DLG2: variants seen among roughly 807,000 people sequenced by gnomAD.
DLG2 encodes the protein disks large homolog 2.
In DLG2, 45 loss-of-function variants were observed where a neutral mutation model predicts 132.5. The ratio of observed to expected loss-of-function variants is 0.34; its 90% CI spans 0.27 to 0.44. DLG2 has a LOEUF of 0.44. Among genes scored for constraint, DLG2 ranks in the 20% least tolerant of loss-of-function variants. The pLI, the probability that DLG2 is intolerant of heterozygous loss-of-function variation, is 1.00. For synonymous variants in DLG2, 424 were observed against 419.6 expected, an observed-to-expected ratio of 1.01 and a Z score of -0.13; for missense variants, 1,045 against 1,196.9, an observed-to-expected ratio of 0.87 and a Z score of 1.87.
At chr11:83,901,101 T>C (rs1429185540) in intron 15 of DLG2, among the ~76,000 whole-genome samples, 1 of 152,164 alleles carries the variant, frequency 6.6e-6, no homozygotes. Context: ...TTTTGGCCAA[T>C]GTCTCTCATT....
At chr11:84,429,502 C>A (rs2098977527) in intron 7 of DLG2, among the ~76,000 whole-genome samples, 1 of 152,086 alleles carries the variant, frequency 6.6e-6, no homozygotes, top group Admixed American at 6.6e-5. Context: ...ATCATCCAAC[C>A]AGGGTTCATT....
intron 7 of DLG2, among the ~76,000 whole-genome samples, chr11:84,503,519 A>G (rs2099228509): frequency 6.6e-6 from 1 of 152,192 alleles, no homozygotes; most frequent in African/African-American, 2.4e-5. Flanking sequence ...CATGTTTCTT[A>G]GGACCAAGCT....
intron 6 of DLG2, among the ~76,000 whole-genome samples, chr11:84,814,977 G>A (rs565327030): frequency 6.6e-5 from 10 of 152,190 alleles, no homozygotes; most frequent in Non-Finnish European, 5.9e-5. Context: ...ATGTAGAGAA[G>A]GGGAGTATAT....
chr11:84,640,940 A>C (rs1258277493), intron 6 of DLG2, among the ~76,000 whole-genome samples: 1 of 143,700 alleles, frequency 7.0e-6, no homozygotes, highest in Non-Finnish European at 1.5e-5. Flanking sequence ...ACTCTGTCTC[A>C]AAACAAACAA....
intron 4 of DLG2, among the ~76,000 whole-genome samples, chr11:85,248,858 T>A (rs543356967): frequency 1.3e-5 from 2 of 152,148 alleles, no homozygotes; most frequent in East Asian, 3.9e-4. Flanking sequence ...GTAACCAAAG[T>A]CAAGGAGTGA....
chr11:85,483,456 T>G (rs1382537764), intron 3 of DLG2, among the ~76,000 whole-genome samples: 2 of 152,200 alleles, frequency 1.3e-5, no homozygotes, highest in Non-Finnish European at 2.9e-5. Flanking sequence ...CCAACAGCCC[T>G]ATCTTACAAG....
At chr11:85,262,684 C>T (rs1387494293) in intron 4 of DLG2, among the ~76,000 whole-genome samples, 1 of 152,184 alleles carries the variant, frequency 6.6e-6, no homozygotes, top group African/African-American at 2.4e-5. Flanking sequence ...CACACTTACA[C>T]ATAGACATAT....
At chr11:84,243,295 A>C (rs957963986) in intron 8 of DLG2, among the ~76,000 whole-genome samples, 2 of 152,144 alleles carry the variant, frequency 1.3e-5, no homozygotes, top group African/African-American at 4.8e-5. Context: ...ATTTTAATTA[A>C]ATTTAAATAA....
At chr11:85,158,244 G>A (rs906272115) in intron 4 of DLG2, among the ~76,000 whole-genome samples, 1 of 152,130 alleles carries the variant, frequency 6.6e-6, no homozygotes, top group Non-Finnish European at 1.5e-5. Context: ...CATAGAACTG[G>A]ATCAGGCTGA....
chr11:84,873,706 T>C (rs1054559679), intron 6 of DLG2, among the ~76,000 whole-genome samples: 4 of 152,250 alleles, frequency 2.6e-5, no homozygotes, highest in East Asian at 1.9e-4. Flanking sequence ...TCCCTGCTCT[T>C]TTCCTTAAAA....
intron 7 of DLG2, among the ~76,000 whole-genome samples, chr11:84,534,170 A>G (rs2099349960): frequency 6.6e-6 from 1 of 152,220 alleles, no homozygotes; most frequent in Non-Finnish European, 1.5e-5. Context: ...TATAGTTTAG[A>G]CAGTAAAGCA....
At chr11:84,930,779 T>C (rs1237911054) in intron 6 of DLG2, among the ~76,000 whole-genome samples, 1 of 152,162 alleles carries the variant, frequency 6.6e-6, no homozygotes, top group African/African-American at 2.4e-5. Flanking sequence ...TTTATATTCA[T>C]GTGCAAGACT....
intron 7 of DLG2, among the ~76,000 whole-genome samples, chr11:84,440,441 T>C (rs1362548777): frequency 2.0e-5 from 3 of 152,130 alleles, no homozygotes; most frequent in Non-Finnish European, 4.4e-5. Context: ...ATGGATATAA[T>C]GTCAACTGAA....
chr11:85,144,076 A>G (rs1236062260), intron 5 of DLG2, among the ~76,000 whole-genome samples: 1 of 151,814 alleles, frequency 6.6e-6, no homozygotes, highest in African/African-American at 2.4e-5. Flanking sequence ...CTTTAGCCTT[A>G]ATAATATTTG....
chr11:84,101,314 G>A (rs1239879313), intron 9 of DLG2, among the ~76,000 whole-genome samples: 1 of 152,010 alleles, frequency 6.6e-6, no homozygotes, highest in Non-Finnish European at 1.5e-5. Flanking sequence ...CAATAAAGTT[G>A]GAACAAAGAA....
intron 6 of DLG2, among the ~76,000 whole-genome samples, chr11:84,721,503 G>GT (rs1207141391): frequency 2.0e-5 from 3 of 148,686 alleles, no homozygotes; most frequent in Admixed American, 2.0e-4. Context: ...TTGTTTGTTT[G>GT]TTTTTTTGTT....
intron 3 of DLG2, among the ~76,000 whole-genome samples, chr11:85,530,602 C>G (rs189973462): frequency 2.0e-5 from 3 of 152,078 alleles, no homozygotes; most frequent in Non-Finnish European, 4.4e-5. Flanking sequence ...ATTACAGGTA[C>G]GAGCCACCAC....
intron 18 of DLG2, among the ~76,000 whole-genome samples, chr11:83,691,600 C>G (rs144389886): frequency 1.0e-3 from 154 of 152,284 alleles, no homozygotes; most frequent in African/African-American, 3.4e-3. Context: ...TCTTTCCCAA[C>G]GAACTTCAAA....
intron 7 of DLG2, among the ~76,000 whole-genome samples, chr11:84,254,822 G>C (rs1298695093): frequency 6.6e-6 from 1 of 152,064 alleles, no homozygotes; most frequent in Non-Finnish European, 1.5e-5. Flanking sequence ...TTCCTTCTTG[G>C]TGCCAAAGGG....
Sources: gnomAD v4.1 joint callset for allele counts (sites outside exome capture counted in the v4.1 genomes callset) on GRCh38, gnomAD v4.1.1 for gene constraint, MANE v1.5 for transcripts, NCBI Gene and HGNC (gene_info 2026-07-23, HGNC 2026-07-21) for gene names.